The following DNAH6 variants were observed in gnomAD, a reference collection of about 807,000 sequenced individuals.
DNAH6 encodes axonemal beta dynein heavy chain 6.
In DNAH6, 340 loss-of-function variants were observed where a neutral mutation model predicts 491.4. That is an observed-to-expected ratio of 0.69 (90% CI 0.63 to 0.76). DNAH6 has a LOEUF of 0.76. Ranked by LOEUF, DNAH6 falls within the 30% of genes least tolerant of loss-of-function variation. The pLI, the probability that DNAH6 is intolerant of heterozygous loss-of-function variation, is 0.00. For synonymous variants in DNAH6, 1,603 were observed against 1,686.1 expected (o/e 0.95, Z 1.21); for missense variants, 4,443 against 4,972.2 (o/e 0.89, Z 3.20).
chr2:84,588,209 C>T (rs1683754371), intron 15 of DNAH6, among the ~76,000 whole-genome samples: 1 of 152,200 alleles, frequency 6.6e-6, no homozygotes, highest in South Asian at 2.1e-4. Flanking sequence ...AGTTTGAATG[C>T]ATGGCCATGC....
At chr2:84,634,736 G>T in intron 30 of DNAH6, 95 bp downstream of exon 30, 3 of 1,374,126 alleles carry the variant, frequency 2.2e-6, no homozygotes, top group Non-Finnish European at 2.8e-6. Flanking sequence ...TGCTAAAAAT[G>T]TTAGGGAGGA....
At chr2:84,522,435 T>C (rs1276911826) in intron 2 of DNAH6, among the ~76,000 whole-genome samples, 1 of 152,172 alleles carries the variant, frequency 6.6e-6, no homozygotes, top group East Asian at 1.9e-4. Flanking sequence ...ATAGTTTGAC[T>C]TCCTCTCTTC....
At chr2:84,577,048 A>G (rs1192357389) in intron 12 of DNAH6, among the ~76,000 whole-genome samples, 1 of 152,192 alleles carries the variant, frequency 6.6e-6, no homozygotes, top group African/African-American at 2.4e-5. Flanking sequence ...TTTACATTAT[A>G]AAATATTAGT....
the DNAH6 span, among the ~76,000 whole-genome samples, chr2:84,471,642 T>C: frequency 6.6e-6 from 1 of 152,214 alleles, no homozygotes; most frequent in Non-Finnish European, 1.5e-5. Context: ...CCATCCATGG[T>C]TGGATCCATG....
intron 33 of DNAH6, among the ~76,000 whole-genome samples, chr2:84,644,762 G>T (rs1007991040): frequency 2.0e-5 from 3 of 152,182 alleles, no homozygotes; most frequent in Non-Finnish European, 4.4e-5. Flanking sequence ...TCCTGCAAAG[G>T]ATATAATCTC....
chr2:84,553,362 TTCTTTTC>T (rs1272664224), intron 10 of DNAH6, among the ~76,000 whole-genome samples: 369 of 17,328 alleles, frequency 0.021, 4 homozygotes, highest in Middle Eastern at 0.083. Context: ...TTCTTTTCTT[TTCTTTTC>T]TTTCTTTCTT....
Position 84,604,353 on chromosome 2 carries a change from T to C in DNAH6, c.2883T>C (p.Ile961=). 1.3e-6 allele frequency: 2 copies of C among 1,552,118 alleles called. No homozygotes were observed. Among genetic ancestry groups the C allele is most frequent in the Non-Finnish European group, 1.7e-6 (2 of 1,147,018 alleles). ...EKMKEKLPVI[I]DLRNPTLKAR... Reference sequence around the variant, plus strand: ...TTGTTTTTCAGCTTCCAGTTATCATTGACTTGAGGAACCCGACTTTGAAGG... The same window carrying C: ...TTGTTTTTCAGCTTCCAGTTATCATCGACTTGAGGAACCCGACTTTGAAGG... The change falls in exon 19 of 77, where the codon ATT becomes ATC. Residue 961 remains isoleucine, a synonymous_variant. Coordinates refer to ENST00000389394, the MANE Select transcript of DNAH6 (RefSeq NM_001370.2).
chr2:84,817,402 A>G (rs1680597492), intron 76 of DNAH6, among the ~76,000 whole-genome samples: 1 of 152,194 alleles, frequency 6.6e-6, no homozygotes, highest in South Asian at 2.1e-4. Flanking sequence ...TTCAAAAGGG[A>G]AGTGAATAAA....
intron 18 of DNAH6, among the ~76,000 whole-genome samples, chr2:84,597,947 C>T (rs1344355175): frequency 6.6e-6 from 1 of 151,690 alleles, no homozygotes; most frequent in African/African-American, 2.4e-5. Context: ...ATAGTGGGAC[C>T]TGATGTCTGC....
chr2:84,717,624 C>T (rs1258504060), intron 58 of DNAH6, among the ~76,000 whole-genome samples: 1 of 152,140 alleles, frequency 6.6e-6, no homozygotes, highest in Admixed American at 6.6e-5. Context: ...TAGCAGGGTG[C>T]ATTGCATAGA....
chr2:84,508,698 G>T, the DNAH6 span, among the ~76,000 whole-genome samples: 1 of 151,894 alleles, frequency 6.6e-6, no homozygotes, highest in South Asian at 2.1e-4. Flanking sequence ...TCTCTTATGG[G>T]CATTTAGTGC....
chr2:84,597,042 C>G (rs1295212596), intron 18 of DNAH6, among the ~76,000 whole-genome samples: 3 of 152,130 alleles, frequency 2.0e-5, no homozygotes. Context: ...AGAACAATTT[C>G]ATTATCCTAA....
chr2:84,571,053 G>A (rs1408010083), intron 11 of DNAH6, among the ~76,000 whole-genome samples: 1 of 152,126 alleles, frequency 6.6e-6, no homozygotes, highest in Admixed American at 6.5e-5. Flanking sequence ...ACCAATTCTG[G>A]ACACGCTGGG....
intron 40 of DNAH6, among the ~76,000 whole-genome samples, chr2:84,675,857 G>A (rs1359893454): frequency 1.3e-5 from 2 of 151,988 alleles, no homozygotes; most frequent in African/African-American, 2.4e-5. Flanking sequence ...ACTGGGTTTC[G>A]TCGTGTTGCC....
chr2:84,804,711 T>C (rs933404870), intron 70 of DNAH6, among the ~76,000 whole-genome samples: 13 of 152,194 alleles, frequency 8.5e-5, no homozygotes, highest in Non-Finnish European at 1.9e-4. Flanking sequence ...CTTAAAAATG[T>C]TTAACCATTC....
chr2:84,744,191 C>A (rs938950186), intron 62 of DNAH6, among the ~76,000 whole-genome samples: 3 of 152,188 alleles, frequency 2.0e-5, no homozygotes, highest in Non-Finnish European at 4.4e-5. Flanking sequence ...CAGAGGAGAG[C>A]CCCTGCAGAC....
At chr2:84,511,094 T>C in the DNAH6 span, among the ~76,000 whole-genome samples, 1 of 152,168 alleles carries the variant, frequency 6.6e-6, no homozygotes, top group African/African-American at 2.4e-5. Context: ...ACTATTCTCT[T>C]CAAAGCTGTC....
the DNAH6 span, among the ~76,000 whole-genome samples, chr2:84,508,569 A>C: frequency 6.6e-6 from 1 of 152,052 alleles, no homozygotes; most frequent in Non-Finnish European, 1.5e-5. Context: ...TATTTCCTTT[A>C]GTTCTGCTCT....
the DNAH6 span, among the ~76,000 whole-genome samples, chr2:84,494,448 A>T: frequency 6.6e-6 from 1 of 152,204 alleles, no homozygotes; most frequent in Non-Finnish European, 1.5e-5. Flanking sequence ...CGAAAATCCC[A>T]CTTTCAGTCC....
Sources: allele counts gnomAD v4.1 joint callset (sites outside exome capture counted in the v4.1 genomes callset), GRCh38; gene constraint gnomAD v4.1.1; transcripts MANE v1.5; gene names NCBI Gene and HGNC (gene_info 2026-07-23, HGNC 2026-07-21).